Variants in FBXO38 observed in about 807,000 individuals in gnomAD.
The protein encoded by FBXO38 is F-box protein 38, also known as F-box only protein 38.
FBXO38 carries 53 observed loss-of-function variants against 131.9 expected under a neutral mutation model. The ratio of observed to expected loss-of-function variants is 0.40; its 90% CI spans 0.32 to 0.51. The LOEUF is 0.51. Among genes scored for constraint, FBXO38 ranks in the 20% least tolerant of loss-of-function variants. FBXO38 has a pLI of 0.53. For missense variants in FBXO38, 1,076 were observed against 1,475.6 expected (o/e 0.73, Z 4.44); for synonymous variants, 452 against 505.6 (o/e 0.89, Z 1.42).
chr5:148,440,997 GA>G (rs1439449217), intron 20 of FBXO38, 126 bp from the exon 21 acceptor site: 4 of 691,408 alleles, frequency 5.8e-6, no homozygotes, highest in Non-Finnish European at 1.0e-5. Flanking sequence ...TTGATAGCTG[GA>G]AATGATTTGA....
chr5:148,398,803 T>A (rs1200513183), intron 2 of FBXO38, among the ~76,000 whole-genome samples, 196 bp from the exon 3 acceptor site: 4 of 152,138 alleles, frequency 2.6e-5, no homozygotes, highest in Non-Finnish European at 4.4e-5. Flanking sequence ...ATACCTTATT[T>A]GGATACTCAA....
chr5:148,440,646 C>T, intron 20 of FBXO38, 119 bp downstream of exon 20: 1 of 590,986 alleles, frequency 1.7e-6, no homozygotes, highest in South Asian at 2.4e-5. Flanking sequence ...TCAAGACCGG[C>T]CTGGGAAACA....
chr5:148,414,083 C>G, intron 9 of FBXO38, 53 bp from the exon 10 acceptor site: 1 of 1,545,838 alleles, frequency 6.5e-7, no homozygotes. Flanking sequence ...GGTAACACTC[C>G]CTAACACTTA....
chr5:148,408,415 A>G (rs964179937), intron 7 of FBXO38, among the ~76,000 whole-genome samples: 6 of 152,238 alleles, frequency 3.9e-5, no homozygotes, highest in African/African-American at 1.4e-4. Context: ...ACCAAAAGAC[A>G]TTTTTAAGAT....
chr5:148,427,055 T>G (rs996736350), intron 14 of FBXO38, among the ~76,000 whole-genome samples, 158 bp from the exon 15 acceptor site: 2 of 152,282 alleles, frequency 1.3e-5, no homozygotes, highest in Admixed American at 6.5e-5. Context: ...CCATAGAGAA[T>G]TTTATAGCAG....
At position 148,440,490 on chromosome 5, in the gene FBXO38, C is replaced by G; in HGVS notation, c.3237C>G (p.Pro1079=). ...GTGAAGAAGACTTAAAGAAATACCCCAAGTACCCCTGGGGGAGAGAAATCT... is the reference window on the plus strand; with the variant it reads ...GTGAAGAAGACTTAAAGAAATACCCGAAGTACCCCTGGGGGAGAGAAATCT... The part of the protein sequence containing the change: ...TRSEEDLKKY[P]KYPWGREIYT... The change falls in exon 20 of 22, where the codon CCC becomes CCG. Residue 1079 remains proline (P), a synonymous_variant. Coordinates refer to ENST00000340253, the MANE Select transcript of FBXO38 (RefSeq NM_205836.3). 2 of 1,611,528 alleles carry G rather than the reference C, an allele frequency of 1.2e-6. No homozygotes were observed. Among genetic ancestry groups the G allele is most frequent in the Non-Finnish European group, 1.7e-6 (2 of 1,177,794 alleles).
At chr5:148,418,208 A>G (rs1581263134) in intron 12 of FBXO38, among the ~76,000 whole-genome samples, 1 of 152,262 alleles carries the variant, frequency 6.6e-6, no homozygotes, top group South Asian at 2.1e-4. Context: ...TGTTGCCTAG[A>G]CTTGTACACT....
At chr5:148,410,833 A>T in intron 9 of FBXO38, 68 bp downstream of exon 9, 2 of 1,464,298 alleles carry the variant, frequency 1.4e-6, no homozygotes, top group Non-Finnish European at 9.3e-7. Flanking sequence ...TGAAATCTGA[A>T]TTGGGTTGTG....
chr5:148,401,132 G>A (rs926093999), intron 3 of FBXO38, among the ~76,000 whole-genome samples: 2 of 152,106 alleles, frequency 1.3e-5, no homozygotes, highest in South Asian at 2.1e-4. Flanking sequence ...GACAGTTAAT[G>A]TTTTTCTTTG....
chr5:148,424,181 A>C (rs10068442), intron 13 of FBXO38, 64 bp downstream of exon 13: 1 of 1,500,714 alleles, frequency 6.7e-7, no homozygotes. Context: ...AATGAAGTAC[A>C]TGAGACAGCG....
chr5:148,406,973 G>A (rs1752480065), intron 7 of FBXO38, among the ~76,000 whole-genome samples: 1 of 152,090 alleles, frequency 6.6e-6, no homozygotes, highest in African/African-American at 2.4e-5. Flanking sequence ...TAGTGGTTTA[G>A]CAAAATGGAT....
intron 12 of FBXO38, among the ~76,000 whole-genome samples, chr5:148,419,211 A>C (rs1405497840): frequency 1.3e-5 from 2 of 152,264 alleles, no homozygotes; most frequent in African/African-American, 4.8e-5. Flanking sequence ...CTTCAACAAG[A>C]GGAAGCCTAA....
chr5:148,426,948 A>G (rs1455172303), intron 14 of FBXO38, among the ~76,000 whole-genome samples: 2 of 152,186 alleles, frequency 1.3e-5, no homozygotes, highest in Non-Finnish European at 2.9e-5. Context: ...TGTAGAATGT[A>G]TATGGAGGGT....
intron 1 of FBXO38, among the ~76,000 whole-genome samples, chr5:148,390,767 T>G (rs1239745406): frequency 6.6e-6 from 1 of 152,246 alleles, no homozygotes; most frequent in African/African-American, 2.4e-5. Flanking sequence ...TACGTATAGT[T>G]TGTGCACTAG....
chr5:148,422,298 C>G (rs1159589094), intron 12 of FBXO38, among the ~76,000 whole-genome samples: 7 of 152,172 alleles, frequency 4.6e-5, no homozygotes, highest in Non-Finnish European at 7.3e-5. Context: ...CTACATCATT[C>G]TTGAACATGA....
At position 148,438,380 on chromosome 5, in the gene FBXO38, T is replaced by C; in HGVS notation, c.2906T>C (p.Ile969Thr). 3 of 1,614,018 alleles carry C rather than the reference T, an allele frequency of 1.9e-6. No individual in the cohort carries two copies. Among genetic ancestry groups the C allele is most frequent in the East Asian group, 2.2e-5 (1 of 44,880 alleles). ...CATTTAAAGGTAGAAAATGCACCAA[T>C]TGTAAACCGATTTGACTATGCACAG... ...LKHLKVENAP[I>T]VNRFDYAQCK... The change falls in exon 18 of 22, where the codon ATT becomes ACT. Residue 969 changes from isoleucine to threonine, a missense_variant. Transcript: ENST00000340253.
intron 1 of FBXO38, among the ~76,000 whole-genome samples, chr5:148,384,498 G>T (rs1046011114): frequency 4.6e-5 from 7 of 152,140 alleles, no homozygotes; most frequent in Non-Finnish European, 1.0e-4. Context: ...TGGCTGCCAC[G>T]CCTGAGTATC....
chr5:148,419,706 C>T (rs771435184), intron 12 of FBXO38, among the ~76,000 whole-genome samples: 4 of 152,128 alleles, frequency 2.6e-5, no homozygotes, highest in Admixed American at 1.3e-4. Context: ...CACACCACTA[C>T]GCTCCAGCCT....
At position 148,416,975 on chromosome 5, in the gene FBXO38, T is replaced by C; in HGVS notation, c.1408-19T>C. ...ACTAACCCAAATTAATAAACGTATG[T>C]GTTTTGGTTTTGCCTTAGGGTTGTG... is the stretch of plus-strand genomic sequence containing the variant. On this transcript the variant is annotated intron_variant, in intron 11 of 21. Transcript: ENST00000340253. The C allele has an allele frequency of 6.5e-7, 1 of 1,545,486 alleles. No individual in the cohort carries two copies. Among genetic ancestry groups the C allele is most frequent in the Non-Finnish European group, 8.9e-7 (1 of 1,117,598 alleles).
Sources: gnomAD v4.1 joint callset for allele counts (sites outside exome capture counted in the v4.1 genomes callset) on GRCh38, gnomAD v4.1.1 for gene constraint, MANE v1.5 for transcripts, NCBI Gene and HGNC (gene_info 2026-07-23, HGNC 2026-07-21) for gene names.